The following PTPRK variants were observed in gnomAD, a reference collection of about 807,000 sequenced individuals.
PTPRK encodes the protein receptor-type tyrosine-protein phosphatase kappa.
PTPRK carries 75 observed loss-of-function variants against 178.0 expected under a neutral mutation model. The ratio of observed to expected loss-of-function variants is 0.42; its 90% CI spans 0.35 to 0.51. PTPRK has a LOEUF of 0.51. PTPRK is among the 20% of genes least tolerant of loss of function. The pLI is 0.02. For missense variants in PTPRK, 1,441 were observed against 1,797.8 expected (o/e 0.80, Z 3.59); for synonymous variants, 637 against 620.6 (o/e 1.03, Z -0.39).
intron 2 of PTPRK, among the ~76,000 whole-genome samples, chr6:128,333,419 C>A (rs1001080113): frequency 2.0e-5 from 3 of 151,774 alleles, no homozygotes; most frequent in African/African-American, 7.3e-5. Flanking sequence ...TTTTGTTTCC[C>A]ACTGCATATT....
At chr6:128,352,253 C>A (rs76718594) in intron 2 of PTPRK, among the ~76,000 whole-genome samples, 1,825 of 94,818 alleles carry the variant, frequency 0.019, no homozygotes, top group South Asian at 0.029. Context: ...GACTTCATCT[C>A]AAAAAAAAAA....
At chr6:128,056,355 A>G (rs1779891980) in intron 13 of PTPRK, among the ~76,000 whole-genome samples, 1 of 151,742 alleles carries the variant, frequency 6.6e-6, no homozygotes, top group African/African-American at 2.4e-5. Context: ...ACCTCACGTC[A>G]TCATGTATTT....
In PTPRK at chr6:128,406,006, CA is replaced by C. The variant is rs891899940; in HGVS notation, c.101-8319del. 1.1e-4 allele frequency among the ~76,000 whole-genome samples: 16 copies of C among 149,130 alleles called. 1 individual carries two copies. Among genetic ancestry groups the C allele is most frequent in the African/African-American group, 2.0e-4 (8 of 40,620 alleles). On this transcript the variant is annotated intron_variant, in intron 1 of 29. Transcript: ENST00000368226. ...TAAAATGCATCTTGAAATCAAAAAA[CA>C]AAAAAAAAGAACACTTTTTTAAGGA...
chr6:128,344,713 TG>T (rs1832172480), intron 2 of PTPRK, among the ~76,000 whole-genome samples: 1 of 151,992 alleles, frequency 6.6e-6, no homozygotes, highest in Admixed American at 6.6e-5. Context: ...GATGGGGTTT[TG>T]TCATTTGCCC....
At chr6:128,346,476 G>A (rs981568686) in intron 2 of PTPRK, among the ~76,000 whole-genome samples, 4 of 151,986 alleles carry the variant, frequency 2.6e-5, no homozygotes, top group Middle Eastern at 3.4e-3. Flanking sequence ...TTTACTAATA[G>A]TCTGATATAA....
intron 7 of PTPRK, among the ~76,000 whole-genome samples, chr6:128,115,558 G>A (rs920612946): frequency 7.9e-5 from 12 of 152,026 alleles, no homozygotes; most frequent in African/African-American, 2.7e-4. Context: ...CCATATAAGA[G>A]TAATTAAGGG....
chr6:128,142,651 G>T (rs972411630), intron 7 of PTPRK, among the ~76,000 whole-genome samples: 3 of 151,714 alleles, frequency 2.0e-5, no homozygotes, highest in African/African-American at 7.3e-5. Context: ...AAAATGTGAA[G>T]TTTTTTAAAT....
intron 2 of PTPRK, among the ~76,000 whole-genome samples, chr6:128,346,835 G>C (rs574576573): frequency 7.2e-5 from 11 of 152,134 alleles, no homozygotes; most frequent in Non-Finnish European, 1.6e-4. Context: ...CTAAACATAA[G>C]GCTTGACACA....
intron 1 of PTPRK, among the ~76,000 whole-genome samples, chr6:128,483,895 C>CT (rs539014572): frequency 5.2e-4 from 79 of 152,216 alleles, no homozygotes; most frequent in Admixed American, 2.9e-3. Flanking sequence ...TAGATGATAT[C>CT]TTTTTATGAA....
chr6:128,088,424 C>T (rs1467833748), intron 8 of PTPRK, among the ~76,000 whole-genome samples: 2 of 151,506 alleles, frequency 1.3e-5, no homozygotes, highest in Non-Finnish European at 2.9e-5. Flanking sequence ...TACTGTCAAG[C>T]TACTTAAGAA....
chr6:128,428,689 A>G (rs1276316742), intron 1 of PTPRK, among the ~76,000 whole-genome samples: 2 of 152,256 alleles, frequency 1.3e-5, no homozygotes, highest in Non-Finnish European at 2.9e-5. Flanking sequence ...AATGAATTTC[A>G]ATGACCTATC....
At chr6:128,179,229 G>A (rs1381320230) in intron 7 of PTPRK, among the ~76,000 whole-genome samples, 2 of 151,942 alleles carry the variant, frequency 1.3e-5, no homozygotes, top group East Asian at 3.9e-4. Context: ...TGAGGCATTG[G>A]TTGTATAACT....
intron 1 of PTPRK, among the ~76,000 whole-genome samples, chr6:128,487,909 A>G (rs1853200804): frequency 6.6e-6 from 1 of 152,206 alleles, no homozygotes; most frequent in African/African-American, 2.4e-5. Flanking sequence ...TGAGGTGTAG[A>G]TTCCTGTATT....
At chr6:128,493,520 C>A (rs1854176248) in intron 1 of PTPRK, among the ~76,000 whole-genome samples, 1 of 150,654 alleles carries the variant, frequency 6.6e-6, no homozygotes, top group African/African-American at 2.4e-5. Flanking sequence ...CGAGATCGTG[C>A]CACTGCGCTC....
chr6:128,301,419 T>A (rs999417490), intron 3 of PTPRK, among the ~76,000 whole-genome samples: 1 of 152,150 alleles, frequency 6.6e-6, no homozygotes, highest in East Asian at 1.9e-4. Flanking sequence ...GGTGTGTTGG[T>A]AAATTTTGCA....
intron 1 of PTPRK, among the ~76,000 whole-genome samples, chr6:128,509,137 G>A (rs1300094333): frequency 1.3e-5 from 2 of 152,082 alleles, no homozygotes; most frequent in Non-Finnish European, 2.9e-5. Flanking sequence ...TAGTCACTCA[G>A]TAGCCATTTC....
At chr6:128,194,279 G>T (rs1414668771) in intron 6 of PTPRK, among the ~76,000 whole-genome samples, 1 of 151,696 alleles carries the variant, frequency 6.6e-6, no homozygotes, top group Non-Finnish European at 1.5e-5. Flanking sequence ...GTACAGACGG[G>T]GTTTCACCGT....
At chr6:128,479,496 A>G (rs1029191596) in intron 1 of PTPRK, among the ~76,000 whole-genome samples, 4 of 152,124 alleles carry the variant, frequency 2.6e-5, no homozygotes, top group African/African-American at 9.7e-5. Context: ...GATGGTGGTC[A>G]TGACACCAAG....
At chr6:128,340,786 T>C (rs1307121746) in intron 2 of PTPRK, 1 of 487,774 alleles carries the variant, frequency 2.1e-6, no homozygotes, top group African/African-American at 2.0e-5. Flanking sequence ...ATTTCACTTT[T>C]AGGTTTGATT....
Sources: allele counts gnomAD v4.1 joint callset (sites outside exome capture counted in the v4.1 genomes callset), GRCh38; gene constraint gnomAD v4.1.1; transcripts MANE v1.5; gene names NCBI Gene and HGNC (gene_info 2026-07-23, HGNC 2026-07-21).